Variants in EDARADD observed in about 807,000 individuals in gnomAD.
EDARADD encodes ectodysplasin-A receptor-associated adapter protein.
EDARADD carries 20 observed loss-of-function variants against 25.6 expected under a neutral mutation model. The observed-to-expected ratio is 0.78, with a 90% CI of 0.55 to 1.14. EDARADD has a LOEUF of 1.14. EDARADD is among the 50% of genes most tolerant of loss of function. EDARADD has a pLI of 0.00. For synonymous variants in EDARADD, 86 were observed against 94.4 expected (o/e 0.91, Z 0.52); for missense variants, 225 against 270.1 (o/e 0.83, Z 1.17).
intron 4 of EDARADD, among the ~76,000 whole-genome samples, chr1:236,430,597 T>A (rs1658065959): frequency 7.1e-6 from 1 of 141,336 alleles, no homozygotes; most frequent in Non-Finnish European, 1.6e-5. Context: ...TTTAAAGTTC[T>A]ATTTTAAAAC....
intron 4 of EDARADD, among the ~76,000 whole-genome samples, chr1:236,451,902 C>T (rs1002593556): frequency 6.6e-6 from 1 of 152,186 alleles, no homozygotes; most frequent in Admixed American, 6.5e-5. Flanking sequence ...CAGCAGCCAA[C>T]CCCAGCTCCT....
intron 3 of EDARADD, among the ~76,000 whole-genome samples, chr1:236,425,791 T>C (rs993631681): frequency 2.0e-5 from 3 of 152,118 alleles, no homozygotes; most frequent in African/African-American, 7.2e-5. Flanking sequence ...CAACACAGCA[T>C]TGCATAGGCC....
intron 4 of EDARADD, among the ~76,000 whole-genome samples, chr1:236,443,210 T>C (rs1658448918): frequency 6.6e-6 from 1 of 152,200 alleles, no homozygotes; most frequent in South Asian, 2.1e-4. Context: ...TTCCTTTTCT[T>C]TATAAGTTGC....
chr1:236,456,943 A>G (rs569422468), intron 4 of EDARADD, among the ~76,000 whole-genome samples: 3 of 152,000 alleles, frequency 2.0e-5, no homozygotes, highest in African/African-American at 7.2e-5. Context: ...GCTTAGGTGA[A>G]CCAGGACCAC....
chr1:236,396,548 T>C (rs530052533), intron 1 of EDARADD, among the ~76,000 whole-genome samples: 10 of 152,336 alleles, frequency 6.6e-5, no homozygotes, highest in Non-Finnish European at 1.0e-4. Context: ...GGGCCGAGTT[T>C]GAATGTTCCA....
chr1:236,362,987 GAAAAAAAA>G (rs577963160), intron 3 of EDARADD, among the ~76,000 whole-genome samples: 4 of 29,562 alleles, frequency 1.4e-4, no homozygotes, highest in South Asian at 2.5e-3. Flanking sequence ...CTTTTTTTAA[GAAAAAAAA>G]AAAAAAAAAA....
intron 3 of EDARADD, among the ~76,000 whole-genome samples, chr1:236,421,949 G>A (rs1055200697): frequency 2.0e-5 from 3 of 152,310 alleles, no homozygotes; most frequent in Non-Finnish European, 4.4e-5. Context: ...AGCAAGGAAG[G>A]CACTTGACCA....
chr1:236,451,748 T>C (rs1439483490), intron 4 of EDARADD, among the ~76,000 whole-genome samples: 1 of 152,192 alleles, frequency 6.6e-6, no homozygotes, highest in Non-Finnish European at 1.5e-5. Context: ...CACCTTCAGC[T>C]CAGGCCTGAT....
intron 4 of EDARADD, among the ~76,000 whole-genome samples, chr1:236,462,235 G>GT (rs551894450): frequency 9.2e-5 from 14 of 152,112 alleles, no homozygotes; most frequent in African/African-American, 1.4e-4. Flanking sequence ...GAATCTCCTA[G>GT]TTTTTTTTGT....
intron 5 of EDARADD, among the ~76,000 whole-genome samples, chr1:236,481,613 A>G (rs1353473974): frequency 4.6e-5 from 7 of 150,898 alleles, no homozygotes; most frequent in Non-Finnish European, 8.9e-5. Flanking sequence ...AAAAAAAAAA[A>G]AGAAAGAAAG....
chr1:236,467,428 A>G (rs528358309), intron 4 of EDARADD, among the ~76,000 whole-genome samples: 1,480 of 133,016 alleles, frequency 0.011, 30 homozygotes, highest in African/African-American at 0.039. Flanking sequence ...ACACACGCGC[A>G]CACACACACA....
chr1:236,396,427 G>A (rs960465569), intron 1 of EDARADD, among the ~76,000 whole-genome samples: 12 of 152,168 alleles, frequency 7.9e-5, no homozygotes, highest in Non-Finnish European at 1.6e-4. Context: ...AGAGTACACT[G>A]GGGCTTTACT....
chr1:236,357,496 T>A (rs554164920), intron 3 of EDARADD, among the ~76,000 whole-genome samples: 2 of 152,202 alleles, frequency 1.3e-5, no homozygotes, highest in Non-Finnish European at 2.9e-5. Context: ...AAGAAATACC[T>A]GAGACTGGGT....
intron 4 of EDARADD, among the ~76,000 whole-genome samples, chr1:236,431,927 C>CAAAAAAAAAAAAAA (rs1170622280): frequency 6.1e-4 from 11 of 17,988 alleles, no homozygotes; most frequent in East Asian, 2.8e-3. Context: ...GACTCCGTCT[C>CAAAAAAAAAAAAAA]AAAAAAAAAA....
intron 4 of EDARADD, among the ~76,000 whole-genome samples, chr1:236,435,510 C>G (rs1277813673): frequency 6.6e-6 from 1 of 152,102 alleles, no homozygotes; most frequent in African/African-American, 2.4e-5. Context: ...CTTCACATGT[C>G]GAGGAAGGAA....
chr1:236,393,391 C>CT (rs761525038), upstream of EDARADD, among the ~76,000 whole-genome samples: 74 of 87,198 alleles, frequency 8.5e-4, 5 homozygotes, highest in East Asian at 2.8e-3. Flanking sequence ...TTCTTTCTTT[C>CT]TTTTTTTTTT....
intron 4 of EDARADD, among the ~76,000 whole-genome samples, chr1:236,456,457 G>A (rs963882290): frequency 1.3e-5 from 2 of 152,212 alleles, no homozygotes; most frequent in African/African-American, 4.8e-5. Context: ...TCCATCTGTA[G>A]ATAACTGTAG....
At chr1:236,411,973 G>A (rs2103009285) in intron 2 of EDARADD, among the ~76,000 whole-genome samples, 1 of 152,278 alleles carries the variant, frequency 6.6e-6, no homozygotes, top group South Asian at 2.1e-4. Flanking sequence ...GGAACTGGGG[G>A]TTAGGACTTC....
chr1:236,449,922 G>A (rs1170056460), intron 4 of EDARADD, among the ~76,000 whole-genome samples: 3 of 152,126 alleles, frequency 2.0e-5, no homozygotes, highest in African/African-American at 4.8e-5. Flanking sequence ...CCAACATGGC[G>A]AAACCCCGTT....
Sources: allele counts gnomAD v4.1 joint callset (sites outside exome capture counted in the v4.1 genomes callset), GRCh38; gene constraint gnomAD v4.1.1; transcripts MANE v1.5; gene names NCBI Gene and HGNC (gene_info 2026-07-23, HGNC 2026-07-21).